PAG1: variants seen among roughly 807,000 people sequenced by gnomAD.
PAG1 encodes phosphoprotein associated with glycosphingolipid-enriched microdomains 1.
Under a neutral mutation model 31.7 loss-of-function variants are expected in PAG1, and 23 were observed. That is an observed-to-expected ratio of 0.73 (90% CI 0.52 to 1.03). PAG1 has a LOEUF of 1.03. PAG1 is among the 50% of genes least tolerant of loss of function. The pLI, the probability that PAG1 is intolerant of heterozygous loss-of-function variation, is 0.00. For missense variants in PAG1, 473 were observed against 540.7 expected (o/e 0.87, Z 1.24); for synonymous variants, 214 against 210.3 (o/e 1.02, Z -0.15).
At chr8:80,984,106 T>A (rs540048432) in intron 7 of PAG1, among the ~76,000 whole-genome samples, 68 of 152,246 alleles carry the variant, frequency 4.5e-4, no homozygotes, top group African/African-American at 1.6e-3. Flanking sequence ...TTGCCTGAAG[T>A]AGATGGGCCT....
intron 1 of PAG1, among the ~76,000 whole-genome samples, chr8:81,101,348 T>C (rs1291673492): frequency 1.3e-5 from 2 of 152,208 alleles, no homozygotes; most frequent in Non-Finnish European, 2.9e-5. Context: ...AAGAAAAATA[T>C]TCGTAACACT....
chr8:81,073,053 G>C (rs1001957288), intron 1 of PAG1, among the ~76,000 whole-genome samples: 3 of 152,130 alleles, frequency 2.0e-5, no homozygotes, highest in Non-Finnish European at 4.4e-5. Flanking sequence ...CTGACTCCTT[G>C]AGAATGACCA....
At position 80,985,370 on chromosome 8, in the gene PAG1, T is replaced by C; in HGVS notation, c.282A>G (p.Ser94=). ...NGALTNGDIL[S]EDSTLTCMQH... ...GCATGCAGGTCAGAGTACTGTCCTC[T>C]GAAAGAACTAAAGCAGCACACACAT... is the stretch of plus-strand genomic sequence containing the variant. Residue 94 remains serine (S), a synonymous_variant, in exon 7 of 9, where the codon TCA becomes TCG. Coordinates refer to ENST00000220597, the MANE Select transcript of PAG1 (RefSeq NM_018440.4). 6.2e-7 allele frequency: 1 copy of C among 1,611,068 alleles called. No homozygotes were observed. The highest frequency in any genetic ancestry group is 2.2e-5 in the East Asian group (1 of 44,798).
At chr8:80,999,642 C>A (rs1165604808) in intron 3 of PAG1, among the ~76,000 whole-genome samples, 1 of 152,190 alleles carries the variant, frequency 6.6e-6, no homozygotes, top group Non-Finnish European at 1.5e-5. Flanking sequence ...CACACCAAAC[C>A]TATCGATCTG....
intron 1 of PAG1, among the ~76,000 whole-genome samples, chr8:81,086,127 G>T (rs1809351908): frequency 6.7e-6 from 1 of 150,186 alleles, no homozygotes; most frequent in East Asian, 2.0e-4. Context: ...GACTACAGGC[G>T]CCCGCTACCA....
chr8:81,033,873 G>A (rs886985496), intron 2 of PAG1, among the ~76,000 whole-genome samples: 2 of 152,206 alleles, frequency 1.3e-5, no homozygotes, highest in Admixed American at 6.5e-5. Context: ...TGCTGAGGAG[G>A]GTCTAAGGAA....
intron 3 of PAG1, among the ~76,000 whole-genome samples, chr8:81,010,522 T>A (rs1258261544): frequency 1.3e-5 from 2 of 152,256 alleles, no homozygotes; most frequent in Non-Finnish European, 2.9e-5. Context: ...GCCTGTTACT[T>A]GTTTGAGGGT....
In PAG1 at chr8:81,055,808, G is replaced by T. The variant is rs1322632532; in HGVS notation, c.-175+14304C>A. ...CTTGTGATTTTTGCACATTGATTTTGTATCCTGAGACTTTGCTGAAATTGC... is the reference window on the plus strand; with the variant it reads ...CTTGTGATTTTTGCACATTGATTTTTTATCCTGAGACTTTGCTGAAATTGC... On this transcript the variant is annotated intron_variant, in intron 2 of 8. Transcript: ENST00000220597. 3.3e-5 allele frequency among the ~76,000 whole-genome samples: 5 copies of T among 151,996 alleles called. No individual in the cohort carries two copies. The East Asian group carries it at 9.6e-4, about 29-fold the overall frequency.
At chr8:81,008,946 G>C (rs906566999) in intron 3 of PAG1, among the ~76,000 whole-genome samples, 3 of 152,102 alleles carry the variant, frequency 2.0e-5, no homozygotes, top group African/African-American at 7.2e-5. Context: ...TCTACTGTGT[G>C]GTACATAAAG....
intron 2 of PAG1, among the ~76,000 whole-genome samples, chr8:81,037,862 G>A (rs1286388266): frequency 6.6e-6 from 1 of 152,168 alleles, no homozygotes; most frequent in African/African-American, 2.4e-5. Flanking sequence ...TATTATTCCA[G>A]TCCTTTCCAC....
intron 2 of PAG1, among the ~76,000 whole-genome samples, chr8:81,050,636 C>G (rs924637615): frequency 2.0e-5 from 3 of 152,168 alleles, no homozygotes; most frequent in Non-Finnish European, 2.9e-5. Context: ...TAAGTTAATT[C>G]ATGTGCGGTA....
intron 1 of PAG1, among the ~76,000 whole-genome samples, chr8:81,097,586 A>G (rs1179807782): frequency 6.6e-6 from 1 of 152,116 alleles, no homozygotes; most frequent in African/African-American, 2.4e-5. Flanking sequence ...CCTATGAAAG[A>G]AGTCTGTGGG....
chr8:81,110,820 C>T (rs761036176), intron 1 of PAG1, among the ~76,000 whole-genome samples: 2 of 152,188 alleles, frequency 1.3e-5, no homozygotes, highest in Non-Finnish European at 2.9e-5. Context: ...AGACTTCAGG[C>T]CGCTATATCA....
chr8:81,039,955 G>A (rs538143453), intron 2 of PAG1, among the ~76,000 whole-genome samples: 8 of 152,166 alleles, frequency 5.3e-5, no homozygotes, highest in African/African-American at 1.7e-4. Context: ...TTAATTGTGA[G>A]GAAAAATTTT....
intron 2 of PAG1, among the ~76,000 whole-genome samples, chr8:81,039,915 T>C (rs767985020): frequency 1.1e-4 from 16 of 152,350 alleles, no homozygotes; most frequent in Middle Eastern, 3.4e-3. Flanking sequence ...ATATGCAGCA[T>C]ACTTAATGAA....
At chr8:80,989,931 G>T (rs1428991886) in intron 5 of PAG1, among the ~76,000 whole-genome samples, 4 of 151,932 alleles carry the variant, frequency 2.6e-5, no homozygotes, top group Non-Finnish European at 5.9e-5. Context: ...CCCTTCCCCA[G>T]CCCCACCTCA....
chr8:81,084,649 T>C (rs761902701), intron 1 of PAG1, among the ~76,000 whole-genome samples: 2 of 152,202 alleles, frequency 1.3e-5, no homozygotes, highest in Non-Finnish European at 2.9e-5. Flanking sequence ...GCTTCTTTCT[T>C]TCCTAAGCTG....
intron 2 of PAG1, among the ~76,000 whole-genome samples, chr8:81,038,161 T>C (rs537257176): frequency 1.1e-4 from 17 of 152,186 alleles, no homozygotes; most frequent in Non-Finnish European, 2.2e-4. Flanking sequence ...TGAATGGGTA[T>C]GCATGTCGGC....
intron 8 of PAG1, among the ~76,000 whole-genome samples, chr8:80,977,147 G>C (rs1466148290): frequency 6.6e-6 from 1 of 152,150 alleles, no homozygotes; most frequent in Non-Finnish European, 1.5e-5. Context: ...CAGTTCTCTT[G>C]GGTCTGCCGA....
Sources: gnomAD v4.1 joint callset for allele counts (sites outside exome capture counted in the v4.1 genomes callset) on GRCh38, gnomAD v4.1.1 for gene constraint, MANE v1.5 for transcripts, NCBI Gene and HGNC (gene_info 2026-07-23, HGNC 2026-07-21) for gene names.